EML5: variants seen among roughly 807,000 people sequenced by gnomAD.
The protein encoded by EML5 is echinoderm microtubule-associated protein-like 5.
In EML5, 120 loss-of-function variants were observed where a neutral mutation model predicts 250.0. That is an observed-to-expected ratio of 0.48 (90% confidence interval 0.41 to 0.56). The LOEUF (loss-of-function observed/expected upper bound fraction) is 0.56. Ranked by LOEUF, EML5 falls within the 20% of genes least tolerant of loss-of-function variation. EML5 has a pLI of 0.00. For synonymous variants in EML5, 771 were observed against 806.5 expected (o/e 0.96, Z 0.75); for missense variants, 2,006 against 2,437.6 (o/e 0.82, Z 3.73).
chr14:88,766,348 T>C lies in EML5; in HGVS notation c.198-11677A>G, dbSNP rs1045093541. ...TAGGAGAAATATTGCTGAATTCTTT[T>C]TCTCAGCAAGGAACATCCCTGAGAA... On this transcript the variant is annotated intron_variant, in intron 1 of 43. Transcript: ENST00000554922. Among the ~76,000 whole-genome samples the C allele has an allele frequency of 2.6e-5, 4 of 152,308 alleles. No homozygotes were observed. In the South Asian group the frequency reaches 8.3e-4, roughly 32 times the overall value.
intron 25 of EML5, among the ~76,000 whole-genome samples, chr14:88,660,823 C>T (rs1461191188): frequency 6.6e-6 from 1 of 151,162 alleles, no homozygotes. Context: ...AGAAAATCAT[C>T]AACAAATGAT....
intron 21 of EML5, among the ~76,000 whole-genome samples, chr14:88,674,345 C>T (rs375251901): frequency 1.8e-4 from 28 of 152,258 alleles, no homozygotes; most frequent in African/African-American, 6.3e-4. Flanking sequence ...AATTGACTCA[C>T]AGTTCTGTAT....
At chr14:88,771,720 T>C (rs997236948) in intron 1 of EML5, among the ~76,000 whole-genome samples, 1 of 152,226 alleles carries the variant, frequency 6.6e-6, no homozygotes, top group Non-Finnish European at 1.5e-5. Flanking sequence ...AATGATAAAC[T>C]GTATGTCCTT....
chr14:88,627,085 A>C (rs748248298), intron 34 of EML5, 39 bp from the exon 35 acceptor site: 1 of 1,596,732 alleles, frequency 6.3e-7, no homozygotes, highest in African/African-American at 1.3e-5. Flanking sequence ...TTATTACAAG[A>C]ACCAAGCTAA....
At chr14:88,709,641 T>A (rs970040410) in intron 10 of EML5, among the ~76,000 whole-genome samples, 28 of 152,220 alleles carry the variant, frequency 1.8e-4, no homozygotes, top group Admixed American at 1.8e-3. Context: ...GATAACCACT[T>A]TGGAAAATAT....
At chr14:88,765,996 T>C (rs747060696) in intron 1 of EML5, among the ~76,000 whole-genome samples, 10 of 152,240 alleles carry the variant, frequency 6.6e-5, no homozygotes, top group Admixed American at 1.3e-4. Context: ...TTCTTATGCC[T>C]GTCTTTACTG....
chr14:88,652,547 C>T (rs1336033156), intron 27 of EML5, among the ~76,000 whole-genome samples: 1 of 152,110 alleles, frequency 6.6e-6, no homozygotes, highest in Non-Finnish European at 1.5e-5. Context: ...TCCTAAATGG[C>T]CACAAATTCG....
chr14:88,689,544 C>T (rs1409687217), intron 17 of EML5, among the ~76,000 whole-genome samples: 1 of 152,120 alleles, frequency 6.6e-6, no homozygotes, highest in Non-Finnish European at 1.5e-5. Flanking sequence ...ATTGGACTCA[C>T]AAATTCCTTC....
At chr14:88,677,523 G>A (rs1298955785) in intron 21 of EML5, among the ~76,000 whole-genome samples, 1 of 152,158 alleles carries the variant, frequency 6.6e-6, no homozygotes, top group African/African-American at 2.4e-5. Flanking sequence ...GCAACCTACA[G>A]AATGGGAGAA....
intron 1 of EML5, among the ~76,000 whole-genome samples, chr14:88,783,473 GA>G (rs1461234453): frequency 6.6e-6 from 1 of 152,088 alleles, no homozygotes. Flanking sequence ...TAAAAGGATG[GA>G]AAAAGATATT....
At chr14:88,626,615 T>G in intron 35 of EML5, 1 of 513,320 alleles carries the variant, frequency 1.9e-6, no homozygotes, top group Non-Finnish European at 3.4e-6. Flanking sequence ...AGATACTGTG[T>G]CAAAAAAAAA....
At chr14:88,757,998 G>C (rs1297686878) in intron 1 of EML5, among the ~76,000 whole-genome samples, 4 of 150,898 alleles carry the variant, frequency 2.7e-5, no homozygotes, top group African/African-American at 9.8e-5. Context: ...GACTACAGGT[G>C]GGTGCCACCA....
At position 88,738,867 on chromosome 14, in the gene EML5, T is replaced by A. The variant is rs371882127; in HGVS notation, c.847+12A>T. ...AGTTTGCCTAGTAATAAGACATTTG[T>A]TTTGTTATTACCTTTGTATCCCTGG... On this transcript the variant is annotated intron_variant, in intron 6 of 43. Transcript: ENST00000554922. The A allele has an allele frequency of 2.4e-5, 38 of 1,553,418 alleles. No homozygotes were observed. The highest frequency in any genetic ancestry group is 3.3e-4 in the Middle Eastern group (2 of 6,008).
chr14:88,750,160 G>T lies in EML5; in HGVS notation c.358-3877C>A, dbSNP rs149832682. 3.6e-3 allele frequency among the ~76,000 whole-genome samples: 547 copies of T among 152,214 alleles called. 5 individuals are homozygous for T. The highest frequency in any genetic ancestry group is 0.027 in the South Asian group (128 of 4,816). ...TAGACAGCTTATCAAATGGTGGTTT[G>T]GAGCACAGATTCTGGTAGCAGATTG... On this transcript the variant is annotated intron_variant, in intron 2 of 43. Coordinates refer to ENST00000554922, the MANE Select transcript of EML5 (RefSeq NM_183387.3).
chr14:88,738,753 G>A (rs894200796), intron 6 of EML5, 126 bp downstream of exon 6: 1 of 1,136,618 alleles, frequency 8.8e-7, no homozygotes, highest in African/African-American at 1.6e-5. Context: ...ATGCATACAG[G>A]GTGAAGAGGC....
intron 23 of EML5, among the ~76,000 whole-genome samples, chr14:88,663,452 TATATAGTTGAATACA>T (rs34908976): frequency 0.11 from 16,810 of 152,114 alleles, 1,033 homozygotes; most frequent in African/African-American, 0.14. Context: ...ATGCTCAATT[TATATAGTTGAATACA>T]ATATAGTTGA....
At chr14:88,766,152 C>G (rs1319385702) in intron 1 of EML5, among the ~76,000 whole-genome samples, 3 of 152,078 alleles carry the variant, frequency 2.0e-5, no homozygotes, top group African/African-American at 4.8e-5. Flanking sequence ...CCTCAGGACC[C>G]TGTGATTATT....
intron 1 of EML5, among the ~76,000 whole-genome samples, chr14:88,767,973 T>C (rs543558303): frequency 1.3e-5 from 2 of 152,188 alleles, no homozygotes; most frequent in Non-Finnish European, 2.9e-5. Context: ...TATTCCTCCT[T>C]AGCAACTTCC....
In EML5 at chr14:88,627,783, T is replaced by C; in HGVS notation, c.4394A>G (p.Asn1465Ser). Residue 1465 changes from asparagine to serine, a missense_variant, in exon 34 of 44, where the codon AAC becomes AGC. Coordinates refer to ENST00000554922, the MANE Select transcript of EML5 (RefSeq NM_183387.3). ...TCTTAGGATAGATAAAGTCTGCTTG[T>C]TCATTGCATCCCAGATGTGAATAGA... ...APSIHIWDAM[N>S]KQTLSILRCY... is the part of the protein sequence containing the mutation. 6.2e-7 allele frequency: 1 copy of C among 1,607,404 alleles called. No individual in the cohort carries two copies. The highest frequency in any genetic ancestry group is 1.1e-5 in the South Asian group (1 of 89,968).
Sources: gnomAD v4.1 joint callset for allele counts (sites outside exome capture counted in the v4.1 genomes callset) on GRCh38, gnomAD v4.1.1 for gene constraint, MANE v1.5 for transcripts, NCBI Gene and HGNC (gene_info 2026-07-23, HGNC 2026-07-21) for gene names.